PNLIPRP1: variants seen among roughly 807,000 people sequenced by gnomAD.
PNLIPRP1 encodes pancreatic lipase related protein 1, also known as inactive pancreatic lipase-related protein 1.
PNLIPRP1 carries 57 observed loss-of-function variants against 54.6 expected under a neutral mutation model. The observed-to-expected ratio is 1.04, with a 90% CI of 0.84 to 1.30. PNLIPRP1 has a LOEUF of 1.30. PNLIPRP1 is among the 50% of genes most tolerant of loss of function. PNLIPRP1 has a pLI of 0.00. For synonymous variants in PNLIPRP1, 232 were observed against 208.8 expected (o/e 1.11, Z -0.96); for missense variants, 567 against 568.5 (o/e 1.00, Z 0.03).
At position 116,597,813 on chromosome 10, in the gene PNLIPRP1, G is replaced by T. The variant is rs1047310486; in HGVS notation, c.575-15G>T. On this transcript the variant is annotated splice_polypyrimidine_tract_variant and intron_variant, in intron 6 of 12. Coordinates refer to ENST00000358834, the MANE Select transcript of PNLIPRP1 (RefSeq NM_006229.4). ...GTCAGGTCTATTGTTCTGCAGTGCTGATCATCTCTTTTAGGGTTGGATCCT... is the reference window on the plus strand; with the variant it reads ...GTCAGGTCTATTGTTCTGCAGTGCTTATCATCTCTTTTAGGGTTGGATCCT... 1.2e-6 allele frequency: 2 copies of T among 1,613,972 alleles called. No individual in the cohort carries two copies. The highest frequency in any genetic ancestry group is 1.3e-5 in the African/African-American group (1 of 74,920).
At position 116,597,924 on chromosome 10, in the gene PNLIPRP1, C is replaced by T. The variant is rs782743319; in HGVS notation, c.671C>T (p.Ala224Val). 1.9e-6 allele frequency: 3 copies of T among 1,614,188 alleles called. No individual in the cohort carries two copies. The highest frequency in any genetic ancestry group is 3.3e-5 in the Admixed American group (2 of 60,030). ...ADFVDVIHTD[A>V]APLIPFLGFG... Reference sequence around the variant, plus strand: ...TTTGTTGATGTGATTCACACGGATGCAGCTCCCCTGATCCCATTCTTGGGT... The same window carrying T: ...TTTGTTGATGTGATTCACACGGATGTAGCTCCCCTGATCCCATTCTTGGGT... The change falls in exon 7 of 13, where the codon GCA becomes GTA. Residue 224 changes from alanine (A) to valine (V), a missense_variant. Coordinates refer to ENST00000358834, the MANE Select transcript of PNLIPRP1 (RefSeq NM_006229.4).
rs12252579 is a variant in PNLIPRP1 at position 116,607,208 on chromosome 10, T to A, written c.1340+1655T>A. On this transcript the variant is annotated intron_variant, in intron 12 of 12. Coordinates refer to ENST00000358834, the MANE Select transcript of PNLIPRP1 (RefSeq NM_006229.4). ...CCAAAGAGAAAGGCAGCCCTCCCCC[T>A]CTTTATTTCTCCGTCCCCCTCTCTT... Among the ~76,000 whole-genome samples, 400 of 150,874 alleles carry A rather than the reference T, an allele frequency of 2.7e-3. 1 individual carries two copies. The highest frequency in any genetic ancestry group is 0.01 in the Middle Eastern group (3 of 292).
intron 9 of PNLIPRP1, chr10:116,600,404 T>A: frequency 2.3e-6 from 1 of 427,602 alleles, no homozygotes; most frequent in Non-Finnish European, 4.2e-6. Context: ...GAAAGAGCAG[T>A]CAATTCAATG....
intron 9 of PNLIPRP1, 96 bp downstream of exon 9, chr10:116,600,261 T>G: frequency 1.3e-6 from 1 of 799,982 alleles, no homozygotes; most frequent in South Asian, 1.5e-5. Context: ...TCACTACACG[T>G]TTTGCATTGA....
At chr10:116,594,625 T>C (rs1847700926) in intron 4 of PNLIPRP1, 105 bp from the exon 5 acceptor site, 5 of 1,234,392 alleles carry the variant, frequency 4.1e-6, no homozygotes, top group Non-Finnish European at 5.9e-6. Flanking sequence ...GTTTATCTCA[T>C]GCCCTAGCTA....
In PNLIPRP1 at chr10:116,591,150, C is replaced by A; in HGVS notation, c.21C>A (p.Ile7=). 1 of 1,613,576 alleles carries A rather than the reference C, an allele frequency of 6.2e-7. No individual in the cohort carries two copies. Among genetic ancestry groups the A allele is most frequent in the Non-Finnish European group, 8.5e-7 (1 of 1,179,806 alleles). ...TGTAGATGCTGATCTTCTGGACAAT[C>A]ACACTTTTCCTGCTGGGAGCAGCCA... The part of the protein sequence containing the change: MLIFWT[I]TLFLLGAAKG... The change falls in exon 2 of 13, where the codon ATC becomes ATA. Residue 7 remains isoleucine (I), a synonymous_variant. Coordinates refer to ENST00000358834, the MANE Select transcript of PNLIPRP1 (RefSeq NM_006229.4).
intron 5 of PNLIPRP1, chr10:116,596,005 G>T: frequency 1.9e-6 from 1 of 533,194 alleles, no homozygotes. Context: ...TCGAGGGTCT[G>T]AAAGTTCAAC....
At chr10:116,598,259 C>T (rs1212032026) in intron 8 of PNLIPRP1, 93 bp downstream of exon 8, 1 of 1,204,438 alleles carries the variant, frequency 8.3e-7, no homozygotes, top group Non-Finnish European at 1.1e-6. Context: ...AAAAATGAAA[C>T]TGTCTTTAAA....
chr10:116,594,839 T>G lies in PNLIPRP1; in HGVS notation c.440T>G (p.Val147Gly), dbSNP rs782506173. 6.2e-7 allele frequency: 1 copy of G among 1,614,004 alleles called. No individual in the cohort carries two copies. Among genetic ancestry groups the G allele is most frequent in the Non-Finnish European group, 8.5e-7 (1 of 1,180,004 alleles). ...ANNVRVVGAQ[V>G]AQMLDILLTE... The stretch of plus-strand genomic sequence containing the variant: ...AACGTGCGAGTGGTGGGCGCCCAGG[T>G]GGCCCAGATGCTCGACATCCTCTTG... Residue 147 changes from valine (V) to glycine (G), a missense_variant, in exon 5 of 13, where the codon GTG (valine) becomes GGG (glycine). Val to Gly is a moderately radical substitution (Grantham distance 109, BLOSUM62 -3). Coordinates refer to ENST00000358834, the MANE Select transcript of PNLIPRP1 (RefSeq NM_006229.4).
At position 116,591,834 on chromosome 10, in the gene PNLIPRP1, C is replaced by A. The variant is rs782627334; in HGVS notation, c.113C>A (p.Ala38Glu). Reference protein sequence around the residue: ...FSDTEPWGGTAIRPLKILPWS... With the variant: ...FSDTEPWGGTEIRPLKILPWS... The stretch of plus-strand genomic sequence containing the variant: ...GACACTGAGCCCTGGGGCGGGACAG[C>A]AATCAGGCCCCTGAAAATTCTCCCC... Residue 38 changes from alanine to glutamate, a missense_variant, in exon 3 of 13, where the codon GCA becomes GAA. Physicochemically the swap from Ala to Glu is moderately radical, Grantham distance 107. Coordinates refer to ENST00000358834, the MANE Select transcript of PNLIPRP1 (RefSeq NM_006229.4). 1.2e-6 allele frequency: 2 copies of A among 1,614,212 alleles called. No individual in the cohort carries two copies. Among genetic ancestry groups the A allele is most frequent in the East Asian group, 2.2e-5 (1 of 44,880 alleles).
At chr10:116,593,963 A>G (rs529900754) in intron 4 of PNLIPRP1, 1 of 170,346 alleles carries the variant, frequency 5.9e-6, no homozygotes, top group Non-Finnish European at 1.2e-5. Context: ...TCAAAAAAAA[A>G]AAAAAAAAAA....
intron 6 of PNLIPRP1, 136 bp downstream of exon 6, chr10:116,596,458 C>T (rs1847739501): frequency 1.7e-6 from 1 of 591,574 alleles, no homozygotes; most frequent in Non-Finnish European, 3.0e-6. Flanking sequence ...GGAGCCTGCA[C>T]AGAACATTTT....
intron 11 of PNLIPRP1, among the ~76,000 whole-genome samples, chr10:116,604,356 GTTTAGATACACAAA>G (rs1382561160): frequency 6.6e-6 from 1 of 152,156 alleles, no homozygotes; most frequent in Non-Finnish European, 1.5e-5. Context: ...ATGTTTGGGT[GTTTAGATACACAAA>G]TACTTACCAT....
intron 8 of PNLIPRP1, among the ~76,000 whole-genome samples, chr10:116,598,570 C>T (rs1847776807): frequency 6.6e-6 from 1 of 152,204 alleles, no homozygotes; most frequent in Admixed American, 6.5e-5. Flanking sequence ...ATGTAATCAG[C>T]TCCCTTTCAG....
At position 116,591,231 on chromosome 10, in the gene PNLIPRP1, C is replaced by T. The variant is rs1052311296; in HGVS notation, c.49+53C>T. The T allele has an allele frequency of 2.6e-5, 38 of 1,452,382 alleles. No individual in the cohort carries two copies. The African/African-American group carries it at 3.9e-4, about 15-fold the overall frequency. 90.0% of individuals were successfully genotyped at this position (1,452,382 alleles called of 1,614,324 possible). On this transcript the variant is annotated intron_variant, in intron 2 of 12. Transcript: ENST00000358834. ...GAAGGGCTTAAACTTAAGCTCTCAG[C>T]CCTGGCCAGAGAAAGCTTTAACTGT... is the stretch of plus-strand genomic sequence containing the variant.
chr10:116,600,060 T>C lies in PNLIPRP1; in HGVS notation c.828T>C (p.Phe276=). Residue 276 remains phenylalanine (F), a synonymous_variant, in exon 9 of 13, where the codon TTT becomes TTC. Coordinates refer to ENST00000358834, the MANE Select transcript of PNLIPRP1 (RefSeq NM_006229.4). Reference sequence around the variant, plus strand: ...TTGTTTTCCCAGGAACCCGGGACTTTGTGGCTTGCAATCACCTAAGAAGCT... The same window carrying C: ...TTGTTTTCCCAGGAACCCGGGACTTCGTGGCTTGCAATCACCTAAGAAGCT... The part of the protein sequence containing the change: ...LDGIWAGTRD[F]VACNHLRSYK... The C allele has an allele frequency of 3.7e-6, 6 of 1,613,770 alleles. No homozygotes were observed. Among genetic ancestry groups the C allele is most frequent in the African/African-American group, 1.3e-5 (1 of 75,052 alleles).
At chr10:116,599,865 T>C (rs1554864511) in intron 8 of PNLIPRP1, among the ~76,000 whole-genome samples, 182 bp from the exon 9 acceptor site, 3 of 152,188 alleles carry the variant, frequency 2.0e-5, no homozygotes, top group Non-Finnish European at 4.4e-5. Flanking sequence ...ATCAGAATGT[T>C]GCCTTGTACA....
chr10:116,601,176 C>T lies in PNLIPRP1; in HGVS notation c.1038C>T (p.Asn346=). The change falls in exon 10 of 13, where the codon AAC becomes AAT. Residue 346 remains asparagine, a synonymous_variant. Coordinates refer to ENST00000358834, the MANE Select transcript of PNLIPRP1 (RefSeq NM_006229.4). ...TSEEQQKFFL[N]TGEASNFARW... is the part of the protein sequence containing the mutation. ...AAGAGCAGCAGAAATTCTTCTTGAA[C>T]ACAGGAGAGGCTAGCAATTTCGCTC... is the stretch of plus-strand genomic sequence containing the variant. The T allele has an allele frequency of 6.2e-7, 1 of 1,614,024 alleles. No individual in the cohort carries two copies. The highest frequency in any genetic ancestry group is 2.2e-5 in the East Asian group (1 of 44,858).
Position 116,605,443 on chromosome 10 carries a change from T to A in PNLIPRP1, c.1230T>A (p.Val410=), listed in dbSNP as rs1173890799. ...HSYEFDAKLD[V]GTIEKVKFLW... The stretch of plus-strand genomic sequence containing the variant: ...ATGAGTTTGATGCAAAGCTGGATGT[T>A]GGAACAATTGAGAAAGTCAAGTTTC... The change falls in exon 12 of 13, where the codon GTT becomes GTA. Residue 410 remains valine, a synonymous_variant. Transcript: ENST00000358834. 1.1e-5 allele frequency: 18 copies of A among 1,612,006 alleles called. No individual in the cohort carries two copies. Among genetic ancestry groups the A allele is most frequent in the Non-Finnish European group, 1.5e-5 (18 of 1,178,298 alleles).
Sources: gnomAD v4.1 joint callset for allele counts (sites outside exome capture counted in the v4.1 genomes callset) on GRCh38, gnomAD v4.1.1 for gene constraint, MANE v1.5 for transcripts, NCBI Gene and HGNC (gene_info 2026-07-23, HGNC 2026-07-21) for gene names.